SAT1: variants seen among roughly 807,000 people sequenced by gnomAD.
The protein encoded by SAT1 is spermidine/spermine N1-acetyltransferase 1.
Under a neutral mutation model 14.7 loss-of-function variants are expected in SAT1, and 1 was observed. That is an observed-to-expected ratio of 0.07 (90% CI 0.02 to 0.32). The LOEUF is 0.32. Ranked by LOEUF, SAT1 falls within the 10% of genes least tolerant of loss-of-function variation. SAT1 has a pLI of 1.00. For synonymous variants in SAT1, 67 were observed against 46.1 expected (o/e 1.45, Z -1.84); for missense variants, 77 against 129.1 (o/e 0.60, Z 1.96).
At position 23,783,323 on chromosome X, in the gene SAT1, C is replaced by T; in HGVS notation, c.-29C>T. On this transcript the variant is annotated 5_prime_UTR_variant, in exon 1 of 6. Transcript: ENST00000379270. ...ACTGTTCAAGTACAGGGGCCTGGTC[C>T]GCAAAGGGAAGAAAAGCAAAAGACG... The T allele has an allele frequency of 8.3e-7, 1 of 1,200,048 alleles. No individual in the cohort carries two copies.
Position 23,783,221 on chromosome X carries a change from A to G in SAT1, c.-131A>G. On this transcript the variant is annotated 5_prime_UTR_variant, in exon 1 of 6. Coordinates refer to ENST00000379270, the MANE Select transcript of SAT1 (RefSeq NM_002970.4). ...ACTGGTGTTTATCCGTCACTCGCCG[A>G]GGTTCCTTGGGTCATGGTGCCAGCC... The G allele has an allele frequency of 3.5e-6, 2 of 568,626 alleles. No homozygotes were observed. Among genetic ancestry groups the G allele is most frequent in the South Asian group, 5.0e-5 (2 of 39,853 alleles). The allele number at this position is 568,626 out of a possible 1,213,427, so 46.9% of individuals were successfully genotyped here.
At chrX:23,783,579 C>CCAAACCCT in intron 1 of SAT1, 79 bp from the exon 2 acceptor site, 2 of 770,301 alleles carry the variant, frequency 2.6e-6, no homozygotes, top group Non-Finnish European at 3.7e-6. Flanking sequence ...CCGCCCGCCC[C>CCAAACCCT]ATTCCGTTCC....
chrX:23,783,567 G>T, intron 1 of SAT1, 91 bp from the exon 2 acceptor site: 1 of 386,137 alleles, frequency 2.6e-6, no homozygotes, highest in Non-Finnish European at 4.1e-6. Flanking sequence ...CCGCCACCCC[G>T]CCCGCCCGCC....
intron 3 of SAT1, chrX:23,784,958 C>T: frequency 5.4e-6 from 1 of 185,725 alleles, no homozygotes; most frequent in Non-Finnish European, 1.0e-5. Context: ...ACCAGTATAC[C>T]AATAGGATGT....
chrX:23,785,563 A>G lies in SAT1; in HGVS notation c.345+3A>G, dbSNP rs756639086. On this transcript the variant is annotated splice_donor_region_variant and intron_variant, in intron 5 of 5. Transcript: ENST00000379270. ...AAATTCTGAAGAATCTAAGCCAGGT[A>G]TGTCTTAGTTTTTGGTTTCCAAATT... 14 of 1,199,893 alleles carry G rather than the reference A, an allele frequency of 1.2e-5. No homozygotes were observed. Among genetic ancestry groups the G allele is most frequent in the Non-Finnish European group, 1.6e-5 (14 of 886,140 alleles).
chrX:23,785,605 T>G, intron 5 of SAT1, 45 bp downstream of exon 5: 2 of 1,184,508 alleles, frequency 1.7e-6, no homozygotes, highest in South Asian at 3.6e-5. Flanking sequence ...TTTACTGGAT[T>G]ATTTTAATGA....
chrX:23,783,579 C>CCAAAACCA, intron 1 of SAT1, 79 bp from the exon 2 acceptor site: 36 of 770,097 alleles, frequency 4.7e-5, no homozygotes, highest in Non-Finnish European at 6.4e-5. Context: ...CCGCCCGCCC[C>CCAAAACCA]ATTCCGTTCC....
chrX:23,785,018 G>A (rs1922665269), intron 3 of SAT1: 1 of 303,349 alleles, frequency 3.3e-6, no homozygotes, highest in Non-Finnish European at 5.8e-6. Flanking sequence ...GCTCTGGCAA[G>A]TAATGAAAGC....
chrX:23,785,511 T>G lies in SAT1; in HGVS notation c.305-9T>G. 1 of 1,205,749 alleles carries G rather than the reference T, an allele frequency of 8.3e-7. No homozygotes were observed. Among genetic ancestry groups the G allele is most frequent in the Admixed American group, 2.2e-5 (1 of 46,025 alleles). ...CAATGACTTTTTAAATTGTACTCTT[T>G]CTTTTTAGGCTTTGGCATAGGATCA... On this transcript the variant is annotated splice_polypyrimidine_tract_variant and intron_variant, in intron 4 of 5. Coordinates refer to ENST00000379270, the MANE Select transcript of SAT1 (RefSeq NM_002970.4).
intron 3 of SAT1, chrX:23,785,029 G>A (rs1000819716): frequency 5.1e-5 from 16 of 316,798 alleles, no homozygotes; most frequent in South Asian, 6.1e-5. Flanking sequence ...TAATGAAAGC[G>A]TTCTCGCTTC....
chrX:23,785,064 C>T, intron 3 of SAT1: 1 of 370,298 alleles, frequency 2.7e-6, no homozygotes. Context: ...CAGCAGACTG[C>T]AGAGTGGCCA....
rs1922569353 is a variant in SAT1, at chrX:23,783,315, G to C, written c.-37G>C. 3 of 1,180,302 alleles carry C rather than the reference G, an allele frequency of 2.5e-6. No individual in the cohort carries two copies. Reference sequence around the variant, plus strand: ...CTCCTCCTACTGTTCAAGTACAGGGGCCTGGTCCGCAAAGGGAAGAAAAGC... The same window carrying C: ...CTCCTCCTACTGTTCAAGTACAGGGCCCTGGTCCGCAAAGGGAAGAAAAGC... On this transcript the variant is annotated 5_prime_UTR_variant, in exon 1 of 6. Coordinates refer to ENST00000379270, the MANE Select transcript of SAT1 (RefSeq NM_002970.4).
chrX:23,785,354 T>C lies in SAT1; in HGVS notation c.229T>C (p.Tyr77His). ...ACACAGCATTGTTGGTTTTGCCATG[T>C]ACTATTTTACCTATGACCCGTGGAT... Reference protein sequence around the residue: ...EGHSIVGFAMYYFTYDPWIGK... With the variant: ...EGHSIVGFAMHYFTYDPWIGK... The change falls in exon 4 of 6, where the codon TAC becomes CAC. Residue 77 changes from tyrosine (Y) to histidine (H), a missense_variant. By Grantham distance (83) the Tyr-to-His change is moderately conservative. Transcript: ENST00000379270. The C allele has an allele frequency of 8.3e-7, 1 of 1,206,149 alleles. No homozygotes were observed. The highest frequency in any genetic ancestry group is 1.1e-6 in the Non-Finnish European group (1 of 890,040).
In SAT1 at chrX:23,785,871, G is replaced by A. The variant is rs1483912009; in HGVS notation, c.*15G>A. The A allele has an allele frequency of 4.3e-6, 5 of 1,150,557 alleles. No individual in the cohort carries two copies. The East Asian group carries it at 1.5e-4, about 35-fold the overall frequency. 94.8% of individuals were successfully genotyped at this position (1,150,557 alleles called of 1,213,427 possible). ...CAGAGGAGTGAGGAGTGCTGCTGTA[G>A]ATGACAACCTCCATTCTATTTTAGA... On this transcript the variant is annotated 3_prime_UTR_variant, in exon 6 of 6. Coordinates refer to ENST00000379270, the MANE Select transcript of SAT1 (RefSeq NM_002970.4).
chrX:23,785,599 C>G, intron 5 of SAT1, 39 bp downstream of exon 5: 3 of 1,189,937 alleles, frequency 2.5e-6, no homozygotes, highest in Non-Finnish European at 3.4e-6. Context: ...TGTAAGTTTA[C>G]TGGATTATTT....
chrX:23,783,896 C>A lies in SAT1; in HGVS notation c.202+13C>A. 1 of 1,211,633 alleles carries A rather than the reference C, an allele frequency of 8.3e-7. No individual in the cohort carries two copies. The highest frequency in any genetic ancestry group is 1.1e-6 in the Non-Finnish European group (1 of 895,531). ...TGGACTCCGGAAGGTAACCCCTCGCCCTTTCCAGAAGCCAGAGAGACCAAG... is the reference window on the plus strand; with the variant it reads ...TGGACTCCGGAAGGTAACCCCTCGCACTTTCCAGAAGCCAGAGAGACCAAG... On this transcript the variant is annotated intron_variant, in intron 3 of 5. Coordinates refer to ENST00000379270, the MANE Select transcript of SAT1 (RefSeq NM_002970.4).
chrX:23,784,566 G>A (rs1922641598), intron 3 of SAT1, among the ~76,000 whole-genome samples: 1 of 55,302 alleles, frequency 1.8e-5, no homozygotes, highest in Non-Finnish European at 3.6e-5. Flanking sequence ...GGTGTCAGAT[G>A]CCTTTTTTTT....
rs776979200 is a variant in SAT1, at chrX:23,785,763, A to G, written c.423A>G (p.Lys141=). 1.7e-6 allele frequency: 2 copies of G among 1,208,527 alleles called. No homozygotes were observed. Among genetic ancestry groups the G allele is most frequent in the South Asian group, 3.5e-5 (2 of 56,819 alleles). Residue 141 remains lysine (K), a synonymous_variant, in exon 6 of 6, where the codon AAA becomes AAG. Transcript: ENST00000379270. ...ATGAACCATCCATCAACTTCTATAA[A>G]AGAAGAGGTGCTTCTGATCTGTCCA... ...EWNEPSINFY[K]RRGASDLSSE...
chrX:23,783,529 C>T, intron 1 of SAT1, 112 bp downstream of exon 1: 2 of 932,164 alleles, frequency 2.1e-6, no homozygotes, highest in African/African-American at 3.9e-5. Context: ...CCAGCCTGTT[C>T]CCCTTTCTGC....
Sources: gnomAD v4.1 joint callset for allele counts (sites outside exome capture counted in the v4.1 genomes callset) on GRCh38, gnomAD v4.1.1 for gene constraint, MANE v1.5 for transcripts, NCBI Gene and HGNC (gene_info 2026-07-23, HGNC 2026-07-21) for gene names.